The following EYA3 variants were observed in gnomAD, a reference collection of about 807,000 sequenced individuals.
The protein encoded by EYA3 is protein phosphatase EYA3.
EYA3 carries 39 observed loss-of-function variants against 80.0 expected under a neutral mutation model. The observed-to-expected ratio is 0.49, with a 90% CI of 0.38 to 0.64. The LOEUF (loss-of-function observed/expected upper bound fraction) is 0.64, where lower values mean the gene tolerates loss of function less well. Among genes scored for constraint, EYA3 ranks in the 30% least tolerant of loss-of-function variants. The probability of loss-of-function intolerance (pLI) is 0.00; values close to 1 mark genes in which losing one functional copy is unlikely to be tolerated. For synonymous variants in EYA3, 206 were observed against 232.8 expected, an observed-to-expected ratio of 0.88 and a Z score of 1.05; for missense variants, 523 against 676.1, an observed-to-expected ratio of 0.77 and a Z score of 2.51.
At chr1:28,029,308 C>T (rs1426420741) in intron 6 of EYA3, among the ~76,000 whole-genome samples, 1 of 152,172 alleles carries the variant, frequency 6.6e-6, no homozygotes, top group Non-Finnish European at 1.5e-5. Context: ...AGAGATACCG[C>T]AGAGGCTACT....
chr1:27,982,005 A>ATT (rs553550162), intron 16 of EYA3, among the ~76,000 whole-genome samples: 2 of 133,220 alleles, frequency 1.5e-5, no homozygotes. Flanking sequence ...CACCTGGCTA[A>ATT]TTTTTTTTTT....
intron 1 of EYA3, among the ~76,000 whole-genome samples, chr1:28,069,679 C>G (rs1012579377): frequency 6.6e-6 from 1 of 151,350 alleles, no homozygotes; most frequent in Non-Finnish European, 1.5e-5. Context: ...GGGGGGAAAT[C>G]CCCTTTCCCA....
At chr1:27,985,744 G>A (rs934022515) in intron 16 of EYA3, among the ~76,000 whole-genome samples, 2 of 152,058 alleles carry the variant, frequency 1.3e-5, no homozygotes, top group Non-Finnish European at 2.9e-5. Flanking sequence ...ACCAAGCCCA[G>A]CTAGTTTTTG....
At chr1:28,070,535 C>G (rs1356653536) in intron 1 of EYA3, among the ~76,000 whole-genome samples, 4 of 151,922 alleles carry the variant, frequency 2.6e-5, no homozygotes, top group Admixed American at 6.6e-5. Context: ...GCACTCTAGC[C>G]TGGGCTACAG....
rs74525723 is a variant in EYA3, at chr1:28,038,439, T to TAAAAA, written c.224+395_224+399dup. On this transcript the variant is annotated intron_variant, in intron 5 of 17. Coordinates refer to ENST00000373871, the MANE Select transcript of EYA3 (RefSeq NM_001990.4). ...CAACAAACAGAGTGAGATTCTATCT[T>TAAAAA]AAAAAAAAAAAAAAAAAAAAAAAAA... is the stretch of plus-strand genomic sequence containing the variant. 4.3e-3 allele frequency among the ~76,000 whole-genome samples: 292 copies of TAAAAA among 68,406 alleles called. 3 individuals are homozygous for TAAAAA. The highest frequency in any genetic ancestry group is 5.9e-3 in the Non-Finnish European group (203 of 34,298). The allele number at this position is 68,406 out of a possible 152,430, so 44.9% of individuals were successfully genotyped here. A position where few individuals can be genotyped will look rare whatever the true frequency, so the allele number is the denominator to read the frequency against.
intron 4 of EYA3, among the ~76,000 whole-genome samples, chr1:28,039,957 CAT>C (rs2148857046): frequency 6.6e-6 from 1 of 152,220 alleles, no homozygotes; most frequent in South Asian, 2.1e-4. Flanking sequence ...TCAGTTGACA[CAT>C]ATATTAAAAA....
At chr1:28,047,426 T>C (rs1014959451) in intron 3 of EYA3, among the ~76,000 whole-genome samples, 1 of 152,156 alleles carries the variant, frequency 6.6e-6, no homozygotes, top group Non-Finnish European at 1.5e-5. Flanking sequence ...TAAGACATCA[T>C]ATGGCTAGCA....
At chr1:28,043,667 G>A (rs1346516011) in intron 3 of EYA3, among the ~76,000 whole-genome samples, 3 of 152,030 alleles carry the variant, frequency 2.0e-5, no homozygotes, top group Non-Finnish European at 2.9e-5. Flanking sequence ...GTAAAACCCC[G>A]TCTCTACTAA....
intron 1 of EYA3, among the ~76,000 whole-genome samples, chr1:28,082,854 AATTT>A (rs1188066284): frequency 3.3e-5 from 5 of 152,178 alleles, no homozygotes; most frequent in African/African-American, 1.2e-4. Context: ...TCCATAAGAT[AATTT>A]TTCTAACGGG....
intron 2 of EYA3, among the ~76,000 whole-genome samples, chr1:28,049,560 A>G (rs1360102035): frequency 6.6e-6 from 1 of 152,220 alleles, no homozygotes; most frequent in Admixed American, 6.5e-5. Flanking sequence ...ATTACACAAA[A>G]ATTTTAAACT....
chr1:28,030,304 T>C (rs181857447), intron 6 of EYA3, among the ~76,000 whole-genome samples: 29 of 152,282 alleles, frequency 1.9e-4, no homozygotes, highest in African/African-American at 7.0e-4. Flanking sequence ...CACTTCTTAA[T>C]TTTTTTGAGA....
intron 1 of EYA3, among the ~76,000 whole-genome samples, chr1:28,082,217 T>C (rs2148957855): frequency 6.6e-6 from 1 of 152,296 alleles, no homozygotes; most frequent in South Asian, 2.1e-4. Context: ...GAAATATTTA[T>C]ACTTTTTCTG....
intron 16 of EYA3, among the ~76,000 whole-genome samples, chr1:27,979,416 T>C (rs1639159440): frequency 6.6e-6 from 1 of 152,166 alleles, no homozygotes; most frequent in South Asian, 2.1e-4. Flanking sequence ...TTACTATACC[T>C]TGTAGTTGTA....
At chr1:28,031,836 C>G (rs1320112308) in intron 6 of EYA3, 1 of 152,052 alleles carries the variant, frequency 6.6e-6, no homozygotes, top group Non-Finnish European at 1.5e-5. Context: ...AAAACAGCCA[C>G]TTTTTTTGCT....
intron 2 of EYA3, among the ~76,000 whole-genome samples, chr1:28,052,597 T>C (rs1407050715): frequency 6.6e-6 from 1 of 152,162 alleles, no homozygotes; most frequent in Non-Finnish European, 1.5e-5. Context: ...AAGCACTAAA[T>C]GTAAAAGCTA....
rs554703499 is a variant in EYA3 at position 28,086,258 on chromosome 1, T to C, written c.-69+2266A>G. On this transcript the variant is annotated intron_variant, in intron 1 of 17. Transcript: ENST00000373871. ...TTTAAGAGAGTCTCACTCTGTTGCC[T>C]TGTGGAGCGCAGTGATGTGATCACA... Among the ~76,000 whole-genome samples, 7 of 152,102 alleles carry C rather than the reference T, an allele frequency of 4.6e-5. No individual in the cohort carries two copies. In the East Asian group the frequency reaches 1.2e-3, roughly 25 times the overall value.
chr1:27,984,665 C>T (rs893818529), intron 16 of EYA3, among the ~76,000 whole-genome samples: 1 of 152,208 alleles, frequency 6.6e-6, no homozygotes, highest in Non-Finnish European at 1.5e-5. Flanking sequence ...TTCCTAGTGC[C>T]TTGGCGTTGC....
chr1:28,006,934 CTTT>C (rs58401673), intron 10 of EYA3, among the ~76,000 whole-genome samples: 21,042 of 91,290 alleles, frequency 0.23, 1,417 homozygotes, highest in Non-Finnish European at 0.26. Context: ...ATGACATAAT[CTTT>C]TTTTTTTTTT....
At chr1:27,982,319 T>A (rs779105364) in intron 16 of EYA3, among the ~76,000 whole-genome samples, 31 of 151,900 alleles carry the variant, frequency 2.0e-4, no homozygotes, top group East Asian at 5.8e-4. Context: ...ATTAAAAAAA[T>A]TTTTTTTGTA....
Sources: allele counts gnomAD v4.1 joint callset (sites outside exome capture counted in the v4.1 genomes callset), GRCh38; gene constraint gnomAD v4.1.1; transcripts MANE v1.5; gene names NCBI Gene and HGNC (gene_info 2026-07-23, HGNC 2026-07-21).